Variants in CPA4 observed in about 807,000 individuals in gnomAD.
CPA4 encodes the protein carboxypeptidase A4, also known as carboxypeptidase A3.
Under a neutral mutation model 54.7 loss-of-function variants are expected in CPA4, and 49 were observed. The observed-to-expected ratio is 0.90, with a 90% CI of 0.71 to 1.14. The LOEUF (loss-of-function observed/expected upper bound fraction) is 1.14, where lower values mean the gene tolerates loss of function less well. CPA4 is among the 50% of genes most tolerant of loss of function. CPA4 has a pLI of 0.00. For synonymous variants in CPA4, 215 were observed against 206.8 expected, an observed-to-expected ratio of 1.04 and a Z score of -0.34; for missense variants, 487 against 525.1, an observed-to-expected ratio of 0.93 and a Z score of 0.71.
intron 3 of CPA4, 93 bp downstream of exon 3, chr7:130,299,497 T>C (rs1793706971): frequency 6.7e-6 from 8 of 1,193,878 alleles, no homozygotes; most frequent in Non-Finnish European, 8.4e-6. Context: ...TCTGGTTTTA[T>C]CCTTTTCTAT....
At chr7:130,304,783 A>T (rs932664409) in intron 5 of CPA4, 6 of 597,776 alleles carry the variant, frequency 1.0e-5, no homozygotes, top group Non-Finnish European at 1.5e-5. Flanking sequence ...AGCACATCCC[A>T]TTCCAAGTTT....
chr7:130,313,649 CT>C (rs1293574041), intron 10 of CPA4, among the ~76,000 whole-genome samples: 2 of 151,996 alleles, frequency 1.3e-5, no homozygotes, highest in African/African-American at 4.8e-5. Flanking sequence ...GAGGTTACAC[CT>C]AAGGCCTCCA....
intron 10 of CPA4, among the ~76,000 whole-genome samples, chr7:130,313,243 G>T: frequency 6.6e-6 from 1 of 152,326 alleles, no homozygotes; most frequent in East Asian, 1.9e-4. Context: ...TTTGAAAAAG[G>T]TTGATTAGGC....
At position 130,298,756 on chromosome 7, in the gene CPA4, T is replaced by A. The variant is rs778711059; in HGVS notation, c.79T>A (p.Leu27Met). 6.2e-7 allele frequency: 1 copy of A among 1,608,580 alleles called. No homozygotes were observed. The highest frequency in any genetic ancestry group is 8.5e-7 in the Non-Finnish European group (1 of 1,175,178). ...TCGCTTCTTCCCCAGGGACCAAGTT[T>A]TGAGGATTAATGTCAGAAATGGAGA... The part of the protein sequence containing the change: ...GQEKFFGDQV[L>M]RINVRNGDEI... Residue 27 changes from leucine to methionine, a missense_variant, in exon 2 of 11, where the codon TTG becomes ATG. Leu to Met is a conservative substitution (Grantham distance 15). Coordinates refer to ENST00000222482, the MANE Select transcript of CPA4 (RefSeq NM_016352.4).
rs556749489 is a variant in CPA4, at chr7:130,310,926, G to C, written c.933G>C (p.Ser311=). The C allele has an allele frequency of 1.9e-6, 3 of 1,614,112 alleles. No homozygotes were observed. The highest frequency in any genetic ancestry group is 1.7e-6 in the Non-Finnish European group (2 of 1,180,014). The change falls in exon 9 of 11, where the codon TCG becomes TCC. Residue 311 remains serine, a synonymous_variant. Transcript: ENST00000222482. The surrounding 1 kb of genome is among the most constrained non-coding windows in gnomAD (Gnocchi z 4.3). ...GCTTCATCGACCTGCACAGCTACTC[G>C]CAGCTGCTGATGTATCCATATGGGT... ...FKGFIDLHSY[S]QLLMYPYGYS...
At chr7:130,314,207 A>G (rs1160636211) in intron 10 of CPA4, among the ~76,000 whole-genome samples, 1 of 152,220 alleles carries the variant, frequency 6.6e-6, no homozygotes, top group Non-Finnish European at 1.5e-5. Context: ...GAGCGGTTGC[A>G]CTGGTTAGGT....
chr7:130,306,688 A>T, intron 6 of CPA4, 99 bp from the exon 7 acceptor site: 1 of 728,366 alleles, frequency 1.4e-6, no homozygotes, highest in Admixed American at 2.1e-5. Flanking sequence ...AGGAGCATTC[A>T]TTCTAGCTGG....
In CPA4 at chr7:130,298,795, T is replaced by C. The variant is rs1350669460; in HGVS notation, c.118T>C (p.Leu40=). Residue 40 remains leucine (L), a synonymous_variant, in exon 2 of 11, where the codon TTG becomes CTG. Coordinates refer to ENST00000222482, the MANE Select transcript of CPA4 (RefSeq NM_016352.4). ...NVRNGDEISK[L]SQLVNSNNLK... ...CAGAAATGGAGACGAGATCAGCAAA[T>C]TGAGTCAACTAGTGAATTCAAACAA... The C allele has an allele frequency of 6.8e-6, 11 of 1,611,854 alleles. No individual in the cohort carries two copies.
At chr7:130,306,199 C>T (rs1002887567) in intron 6 of CPA4, 2 of 472,046 alleles carry the variant, frequency 4.2e-6, no homozygotes, top group South Asian at 2.3e-5. Context: ...AGCAGAGCAA[C>T]ACCCAGACAA....
At chr7:130,313,768 AG>A (rs1289552185) in intron 10 of CPA4, among the ~76,000 whole-genome samples, 1 of 152,222 alleles carries the variant, frequency 6.6e-6, no homozygotes, top group African/African-American at 2.4e-5. Flanking sequence ...AAGATAAACT[AG>A]GACACAGGTT....
At chr7:130,306,428 A>G (rs1003283793) in intron 6 of CPA4, among the ~76,000 whole-genome samples, 1 of 152,222 alleles carries the variant, frequency 6.6e-6, no homozygotes, top group South Asian at 2.1e-4. Context: ...GGAGGGGTGC[A>G]TGTGGAGGAC....
chr7:130,308,723 A>ATTTTTTTGTATTTTTT (rs199996063), intron 8 of CPA4, among the ~76,000 whole-genome samples: 5,628 of 145,092 alleles, frequency 0.039, 379 homozygotes, highest in African/African-American at 0.14. Context: ...ACGCCCGGCT[A>ATTTTTTTGTATTTTTT]TTTTTTTTCA....
At chr7:130,308,119 G>A in intron 7 of CPA4, 188 bp from the exon 8 acceptor site, 1 of 604,570 alleles carries the variant, frequency 1.7e-6, no homozygotes, top group African/African-American at 1.8e-5. Context: ...TTCTCTTAGA[G>A]CCGGAAGGGG....
intron 1 of CPA4, among the ~76,000 whole-genome samples, chr7:130,294,090 C>G (rs1441543869): frequency 6.6e-6 from 1 of 152,114 alleles, no homozygotes; most frequent in Non-Finnish European, 1.5e-5. Flanking sequence ...TCTTTTTGAT[C>G]ACACAACAAC....
rs1278665296 is a variant in CPA4 at position 130,311,002 on chromosome 7, C to G, written c.993+16C>G. The G allele has an allele frequency of 6.2e-7, 1 of 1,610,766 alleles. No individual in the cohort carries two copies. The highest frequency in any genetic ancestry group is 1.3e-5 in the African/African-American group (1 of 74,832). ...CGAGGAACTCGTGAGTCACAGCTGC[C>G]TCCCACCCAGCCTGGGGCCCGCCTG... On this transcript the variant is annotated intron_variant, in intron 9 of 10. Coordinates refer to ENST00000222482, the MANE Select transcript of CPA4 (RefSeq NM_016352.4).
chr7:130,298,491 A>G (rs1163161574), intron 1 of CPA4, among the ~76,000 whole-genome samples: 2 of 152,096 alleles, frequency 1.3e-5, no homozygotes, highest in Non-Finnish European at 2.9e-5. Context: ...CTTTTTCCAT[A>G]CTTATAATCA....
In CPA4 at chr7:130,306,907, C is replaced by T. The variant is rs1448188073; in HGVS notation, c.702+10C>T. 1.4e-6 allele frequency: 2 copies of T among 1,410,132 alleles called. No individual in the cohort carries two copies. Among genetic ancestry groups the T allele is most frequent in the African/African-American group, 1.4e-5 (1 of 70,914 alleles). The allele number at this position is 1,410,132 out of a possible 1,614,324, so 87.4% of individuals were successfully genotyped here. Reference sequence around the variant, plus strand: ...GTATACTCAAACTCAAGTGAGTATTCCCAAATGGGCTGGGCTTGCAGACTG... The same window carrying T: ...GTATACTCAAACTCAAGTGAGTATTTCCAAATGGGCTGGGCTTGCAGACTG... On this transcript the variant is annotated intron_variant, in intron 7 of 10. Coordinates refer to ENST00000222482, the MANE Select transcript of CPA4 (RefSeq NM_016352.4).
At chr7:130,321,832 C>T (rs1260417264) in intron 10 of CPA4, among the ~76,000 whole-genome samples, 1 of 152,224 alleles carries the variant, frequency 6.6e-6, no homozygotes, top group East Asian at 1.9e-4. Context: ...CCTCCCACAA[C>T]ACATGAGAAT....
intron 5 of CPA4, 113 bp from the exon 6 acceptor site, chr7:130,305,703 T>C (rs1315701294): frequency 1.2e-6 from 1 of 823,442 alleles, no homozygotes; most frequent in Non-Finnish European, 2.0e-6. Context: ...TAGGAACATT[T>C]GATCTCTGAA....
Sources: gnomAD v4.1 joint callset for allele counts (sites outside exome capture counted in the v4.1 genomes callset) on GRCh38, gnomAD v4.1.1 for gene constraint, Gnocchi (gnomAD v3.1) non-coding constraint, MANE v1.5 for transcripts, NCBI Gene and HGNC (gene_info 2026-07-23, HGNC 2026-07-21) for gene names.